The following EPHB2 variants were observed in gnomAD, a reference collection of about 807,000 sequenced individuals.
EPHB2 encodes EPH receptor B2, also known as ephrin type-B receptor 2.
Under a neutral mutation model 96.4 loss-of-function variants are expected in EPHB2, and 18 were observed. The ratio of observed to expected loss-of-function variants is 0.19; its 90% CI spans 0.13 to 0.28. EPHB2 has a LOEUF of 0.28. Ranked by LOEUF, EPHB2 falls within the 10% of genes least tolerant of loss-of-function variation. The probability of loss-of-function intolerance (pLI) is 1.00; values close to 1 mark genes in which losing one functional copy is unlikely to be tolerated. For synonymous variants in EPHB2, 506 were observed against 534.1 expected, an observed-to-expected ratio of 0.95 and a Z score of 0.72; for missense variants, 989 against 1,355.4, an observed-to-expected ratio of 0.73 and a Z score of 4.25.
chr1:22,731,312 G>A (rs919912709), intron 1 of EPHB2, among the ~76,000 whole-genome samples: 1 of 152,142 alleles, frequency 6.6e-6, no homozygotes, highest in African/African-American at 2.4e-5. Flanking sequence ...CTGAGCGACT[G>A]TGCACAAGGC....
intron 3 of EPHB2, among the ~76,000 whole-genome samples, chr1:22,857,961 G>A (rs991534019): frequency 5.3e-5 from 8 of 152,086 alleles, no homozygotes; most frequent in Non-Finnish European, 1.0e-4. Flanking sequence ...TTTACAAACC[G>A]TTTTCTAATA....
At chr1:22,832,774 C>T (rs1055727161) in intron 3 of EPHB2, among the ~76,000 whole-genome samples, 1 of 152,120 alleles carries the variant, frequency 6.6e-6, no homozygotes, top group Non-Finnish European at 1.5e-5. Flanking sequence ...CCACCTAAGA[C>T]TTTGAGGGTT....
intron 1 of EPHB2, among the ~76,000 whole-genome samples, chr1:22,750,897 A>G (rs1205288644): frequency 6.6e-6 from 1 of 152,206 alleles, no homozygotes; most frequent in Non-Finnish European, 1.5e-5. Flanking sequence ...TGTCAGAGCA[A>G]GGACTAGGAA....
intron 1 of EPHB2, among the ~76,000 whole-genome samples, chr1:22,751,760 G>A (rs928353388): frequency 6.6e-6 from 1 of 152,216 alleles, no homozygotes. Context: ...AGGATCACCT[G>A]CCACACAGAA....
chr1:22,876,320 C>T (rs1366516901), intron 5 of EPHB2, among the ~76,000 whole-genome samples: 1 of 152,170 alleles, frequency 6.6e-6, no homozygotes, highest in African/African-American at 2.4e-5. Flanking sequence ...GGGGCACAGG[C>T]TGCTGGCTTC....
At chr1:22,718,332 G>A (rs1004899409) in intron 1 of EPHB2, among the ~76,000 whole-genome samples, 7 of 150,222 alleles carry the variant, frequency 4.7e-5, no homozygotes, top group Non-Finnish European at 8.8e-5. Context: ...CCCAGTGCCT[G>A]CCAGGCACCA....
At position 22,897,523 on chromosome 1, in the gene EPHB2, C is replaced by T. The variant is rs867008884; in HGVS notation, c.1765+1045C>T. 1.3e-5 allele frequency among the ~76,000 whole-genome samples: 2 copies of T among 152,152 alleles called. 1 individual carries two copies. Among genetic ancestry groups the T allele is most frequent in the African/African-American group, 4.8e-5 (2 of 41,434 alleles). On this transcript the variant is annotated intron_variant, in intron 9 of 15. Coordinates refer to ENST00000374630, the MANE Select transcript of EPHB2 (RefSeq NM_017449.5). ...GGTCATAAGGCCAGGCACAGTAGCT[C>T]ACACCTGTAATCCCAGCACTTTGGG...
intron 3 of EPHB2, among the ~76,000 whole-genome samples, chr1:22,837,423 G>A (rs1645401722): frequency 6.6e-6 from 1 of 152,312 alleles, no homozygotes; most frequent in Admixed American, 6.5e-5. Context: ...AAGTTTATGA[G>A]AGGGATGGGG....
intron 1 of EPHB2, among the ~76,000 whole-genome samples, chr1:22,715,263 G>A (rs1643262985): frequency 6.6e-6 from 1 of 152,204 alleles, no homozygotes; most frequent in Admixed American, 6.5e-5. Context: ...ATACCAAGGG[G>A]ATGGCTTGAG....
chr1:22,900,192 G>A (rs1416031341), intron 9 of EPHB2, among the ~76,000 whole-genome samples: 1 of 152,082 alleles, frequency 6.6e-6, no homozygotes, highest in Admixed American at 6.5e-5. Context: ...TACTCAGGAG[G>A]CTGAGGCAGG....
intron 1 of EPHB2, among the ~76,000 whole-genome samples, chr1:22,749,500 T>A (rs1644030482): frequency 6.6e-6 from 1 of 152,202 alleles, no homozygotes; most frequent in Admixed American, 6.5e-5. Context: ...ATTGAAGGAT[T>A]CAGACCAAGG....
chr1:22,845,389 C>T (rs1032684268), intron 3 of EPHB2, among the ~76,000 whole-genome samples: 1 of 152,134 alleles, frequency 6.6e-6, no homozygotes, highest in African/African-American at 2.4e-5. Context: ...ACTAAAGAGA[C>T]CCTTCTAAGC....
chr1:22,803,781 A>C (rs1644884531), intron 3 of EPHB2, among the ~76,000 whole-genome samples: 1 of 143,152 alleles, frequency 7.0e-6, no homozygotes, highest in African/African-American at 2.6e-5. Context: ...GGGTGTGACG[A>C]TGCATGTTTG....
intron 1 of EPHB2, among the ~76,000 whole-genome samples, chr1:22,726,011 C>T (rs1054364503): frequency 2.6e-5 from 4 of 152,184 alleles, no homozygotes; most frequent in Admixed American, 6.5e-5. Flanking sequence ...TTCATCTGTC[C>T]GTACATCCTT....
chr1:22,739,916 G>A (rs1335209548), intron 1 of EPHB2, among the ~76,000 whole-genome samples: 3 of 152,156 alleles, frequency 2.0e-5, no homozygotes, highest in Non-Finnish European at 2.9e-5. Flanking sequence ...CGGGGTTTGC[G>A]GTTTTGAACA....
Position 22,864,887 on chromosome 1 carries a change from C to A in EPHB2, c.978C>A (p.Ser326=). 6.2e-7 allele frequency: 1 copy of A among 1,606,836 alleles called. No homozygotes were observed. The highest frequency in any genetic ancestry group is 8.5e-7 in the Non-Finnish European group (1 of 1,176,848). Residue 326 remains serine, a synonymous_variant, in exon 5 of 16, where the codon TCC becomes TCA. Transcript: ENST00000374630. ...PLDMPCTTIP[S]APQAVISSVN... is the part of the protein sequence containing the mutation. Reference sequence around the variant, plus strand: ...TCTCCCCCGCCCCAGCCATCCCCTCCGCGCCCCAGGCTGTGATTTCCAGTG... The same window carrying A: ...TCTCCCCCGCCCCAGCCATCCCCTCAGCGCCCCAGGCTGTGATTTCCAGTG...
chr1:22,730,555 C>T (rs1055066793), intron 1 of EPHB2, among the ~76,000 whole-genome samples: 22 of 150,344 alleles, frequency 1.5e-4, no homozygotes, highest in African/African-American at 5.1e-4. Flanking sequence ...GGAGGGCCAG[C>T]GAGAGGAGGG....
intron 1 of EPHB2, among the ~76,000 whole-genome samples, chr1:22,713,648 A>G (rs1643217550): frequency 6.6e-6 from 1 of 152,122 alleles, no homozygotes; most frequent in South Asian, 2.1e-4. Context: ...GTCTGTGGAG[A>G]CAGGACTGGG....
chr1:22,806,207 T>G (rs1644922707), intron 3 of EPHB2, among the ~76,000 whole-genome samples: 1 of 152,200 alleles, frequency 6.6e-6, no homozygotes, highest in African/African-American at 2.4e-5. Context: ...GGCAAACACT[T>G]TATAACTCAG....
Sources: allele counts gnomAD v4.1 joint callset (sites outside exome capture counted in the v4.1 genomes callset), GRCh38; gene constraint gnomAD v4.1.1; transcripts MANE v1.5; gene names NCBI Gene and HGNC (gene_info 2026-07-23, HGNC 2026-07-21).